Variants in TMEM108 observed in about 807,000 individuals in gnomAD.
The protein encoded by TMEM108 is transmembrane protein 108.
TMEM108 carries 12 observed loss-of-function variants against 35.1 expected under a neutral mutation model. The ratio of observed to expected loss-of-function variants is 0.34; its 90% CI spans 0.22 to 0.55. TMEM108 has a LOEUF of 0.55. TMEM108 is among the 20% of genes least tolerant of loss of function. The pLI, the probability that TMEM108 is intolerant of heterozygous loss-of-function variation, is 0.89. For missense variants in TMEM108, 680 were observed against 753.3 expected, an observed-to-expected ratio of 0.90 and a Z score of 1.14; for synonymous variants, 287 against 308.6, an observed-to-expected ratio of 0.93 and a Z score of 0.73.
At chr3:133,166,214 G>A (rs1945034160) in intron 2 of TMEM108, among the ~76,000 whole-genome samples, 1 of 152,166 alleles carries the variant, frequency 6.6e-6, no homozygotes, top group South Asian at 2.1e-4. Flanking sequence ...GGAGGAGGGA[G>A]AGCATCATTA....
intron 3 of TMEM108, among the ~76,000 whole-genome samples, chr3:133,292,096 T>C (rs1947077722): frequency 6.6e-6 from 1 of 152,194 alleles, no homozygotes; most frequent in Non-Finnish European, 1.5e-5. Flanking sequence ...ATGATTCTGT[T>C]AGAAAACACT....
chr3:133,191,748 T>C lies in TMEM108; in HGVS notation c.-46-37518T>C, dbSNP rs116648989. Reference sequence around the variant, plus strand: ...GAAAGCTACTGAATAATTTGAGGTGTACTAGTGTAGGAATCAGATTGGATT... The same window carrying C: ...GAAAGCTACTGAATAATTTGAGGTGCACTAGTGTAGGAATCAGATTGGATT... On this transcript the variant is annotated intron_variant, in intron 2 of 5. Coordinates refer to ENST00000321871, the MANE Select transcript of TMEM108 (RefSeq NM_023943.4). Among the ~76,000 whole-genome samples, 1,208 of 152,280 alleles carry C rather than the reference T, an allele frequency of 7.9e-3. 14 individuals are homozygous for C. Among genetic ancestry groups the C allele is most frequent in the African/African-American group, 0.028 (1,152 of 41,578 alleles).
chr3:133,381,252 C>A, intron 4 of TMEM108, 91 bp downstream of exon 4: 1 of 1,370,272 alleles, frequency 7.3e-7, no homozygotes, highest in South Asian at 1.5e-5. Flanking sequence ...GGCATCCTTG[C>A]CAAGTGGGCT....
chr3:133,354,419 C>T (rs768745019), intron 3 of TMEM108, among the ~76,000 whole-genome samples: 1 of 152,198 alleles, frequency 6.6e-6, no homozygotes, highest in Non-Finnish European at 1.5e-5. Context: ...GGTGAGCTGA[C>T]ATCTAGAACA....
Position 133,380,492 on chromosome 3 carries a change from A to G in TMEM108, c.781A>G (p.Asn261Asp). The change falls in exon 4 of 6, where the codon AAT becomes GAT. Residue 261 changes from asparagine (N) to aspartate (D), a missense_variant. Physicochemically the swap from Asn to Asp is conservative, Grantham distance 23. Coordinates refer to ENST00000321871, the MANE Select transcript of TMEM108 (RefSeq NM_023943.4). This position sits in a 1 kb window ranked among gnomAD's most constrained non-coding sequence, Gnocchi z 5.3. Reference sequence around the variant, plus strand: ...AGTGGCTGCGACCACAGTGCCCAGCAATACCTCATGGGCACCCACCACCAC... The same window carrying G: ...AGTGGCTGCGACCACAGTGCCCAGCGATACCTCATGGGCACCCACCACCAC... Reference protein sequence around the residue: ...QTVAATTVPSNTSWAPTTTSL... With the variant: ...QTVAATTVPSDTSWAPTTTSL... The G allele has an allele frequency of 6.2e-7, 1 of 1,613,892 alleles. No individual in the cohort carries two copies. The highest frequency in any genetic ancestry group is 8.5e-7 in the Non-Finnish European group (1 of 1,179,962).
intron 3 of TMEM108, among the ~76,000 whole-genome samples, chr3:133,264,121 C>T (rs965963937): frequency 3.9e-5 from 6 of 151,982 alleles, no homozygotes; most frequent in South Asian, 2.1e-4. Flanking sequence ...GTCTGAGAAA[C>T]GTAGTAAGAA....
chr3:133,389,201 C>T (rs1576545239), intron 4 of TMEM108: 1 of 985,692 alleles, frequency 1.0e-6, no homozygotes, highest in East Asian at 1.1e-4. Context: ...TCACAAGCCA[C>T]TCAATTCACA....
At chr3:133,071,054 G>A (rs953592894) in intron 2 of TMEM108, among the ~76,000 whole-genome samples, 1 of 152,074 alleles carries the variant, frequency 6.6e-6, no homozygotes, top group Non-Finnish European at 1.5e-5. Flanking sequence ...ACAATGCCTG[G>A]TGTGCAAAAT....
chr3:133,188,634 C>T (rs1166784507), intron 2 of TMEM108, among the ~76,000 whole-genome samples: 1 of 152,168 alleles, frequency 6.6e-6, no homozygotes, highest in Non-Finnish European at 1.5e-5. Flanking sequence ...GTTCAGGACA[C>T]TATTGGCTTC....
intron 3 of TMEM108, among the ~76,000 whole-genome samples, chr3:133,374,605 A>G (rs977181570): frequency 6.6e-6 from 1 of 151,372 alleles, no homozygotes; most frequent in Non-Finnish European, 1.5e-5. Flanking sequence ...TTATATACAT[A>G]ATTTTTATTC....
intron 2 of TMEM108, among the ~76,000 whole-genome samples, chr3:133,102,022 T>C (rs1559832713): frequency 6.6e-6 from 1 of 152,256 alleles, no homozygotes; most frequent in African/African-American, 2.4e-5. Context: ...ATAGAAGTAC[T>C]AAGTCTTTTG....
chr3:133,104,153 AACTTC>A (rs1944121738), intron 2 of TMEM108, among the ~76,000 whole-genome samples: 1 of 95,014 alleles, frequency 1.1e-5, no homozygotes, highest in South Asian at 3.3e-4. Context: ...ATATTTTCTT[AACTTC>A]TCTTAGCCTT....
intron 2 of TMEM108, among the ~76,000 whole-genome samples, chr3:133,177,516 A>G (rs1160278066): frequency 6.6e-6 from 1 of 152,212 alleles, no homozygotes; most frequent in Non-Finnish European, 1.5e-5. Context: ...TTCAACATAC[A>G]CAAATCAATA....
intron 2 of TMEM108, among the ~76,000 whole-genome samples, chr3:133,163,146 C>G (rs1161755734): frequency 6.6e-6 from 1 of 152,154 alleles, no homozygotes; most frequent in South Asian, 2.1e-4. Flanking sequence ...AGCTAAAGAG[C>G]TACACATAAA....
intron 5 of TMEM108, among the ~76,000 whole-genome samples, chr3:133,393,426 C>G (rs2073262322): frequency 6.6e-6 from 1 of 152,190 alleles, no homozygotes; most frequent in South Asian, 2.1e-4. Context: ...CTGCTCTATT[C>G]CCAGCACCTG....
chr3:133,194,730 G>C (rs941485650), intron 2 of TMEM108, among the ~76,000 whole-genome samples: 1 of 152,106 alleles, frequency 6.6e-6, no homozygotes, highest in Admixed American at 6.6e-5. Flanking sequence ...TATGTTAAAG[G>C]CTTTAGATCT....
At chr3:133,350,885 T>C (rs1432692907) in intron 3 of TMEM108, among the ~76,000 whole-genome samples, 1 of 151,992 alleles carries the variant, frequency 6.6e-6, no homozygotes, top group Non-Finnish European at 1.5e-5. Flanking sequence ...GCTGGCAAAG[T>C]ATCAGTAACC....
At chr3:133,171,935 A>G (rs1462573066) in intron 2 of TMEM108, among the ~76,000 whole-genome samples, 1 of 152,208 alleles carries the variant, frequency 6.6e-6, no homozygotes, top group African/African-American at 2.4e-5. Flanking sequence ...TGAGTCTCTC[A>G]CTTATCTACT....
intron 3 of TMEM108, among the ~76,000 whole-genome samples, chr3:133,341,746 C>G (rs539260772): frequency 2.2e-4 from 34 of 151,830 alleles, no homozygotes; most frequent in South Asian, 1.2e-3. Context: ...ACAATGAACT[C>G]ATTTTTGACA....
Sources: gnomAD v4.1 joint callset for allele counts (sites outside exome capture counted in the v4.1 genomes callset) on GRCh38, gnomAD v4.1.1 for gene constraint, Gnocchi (gnomAD v3.1) non-coding constraint, MANE v1.5 for transcripts, NCBI Gene and HGNC (gene_info 2026-07-23, HGNC 2026-07-21) for gene names.